The following CNGA1 variants were observed in gnomAD, a reference collection of about 807,000 sequenced individuals.
CNGA1 encodes the protein cyclic nucleotide gated channel subunit alpha 1.
CNGA1 carries 53 observed loss-of-function variants against 69.7 expected under a neutral mutation model. That is an observed-to-expected ratio of 0.76 (90% CI 0.61 to 0.96). The LOEUF is 0.96. CNGA1 is among the 40% of genes least tolerant of loss of function. The pLI is 0.00. For missense variants in CNGA1, 739 were observed against 811.2 expected, an observed-to-expected ratio of 0.91 and a Z score of 1.08; for synonymous variants, 249 against 283.5, an observed-to-expected ratio of 0.88 and a Z score of 1.22.
intron 4 of CNGA1, 58 bp downstream of exon 4, chr4:47,952,525 G>A: frequency 6.4e-7 from 1 of 1,570,678 alleles, no homozygotes. Flanking sequence ...ATTAAATCTA[G>A]TTAAATTAAA....
At chr4:48,006,469 A>ATT (rs1016790884) in intron 2 of CNGA1, among the ~76,000 whole-genome samples, 8 of 152,136 alleles carry the variant, frequency 5.3e-5, no homozygotes, top group Non-Finnish European at 1.0e-4. Flanking sequence ...TACCAATAAC[A>ATT]TTTTTATACA....
chr4:47,951,516 C>A (rs1196027885), intron 4 of CNGA1, 47 bp from the exon 5 acceptor site: 7 of 1,272,744 alleles, frequency 5.5e-6, no homozygotes, highest in Non-Finnish European at 8.0e-6. Context: ...TGTTTTCAAC[C>A]ACTGCAGAGA....
chr4:48,012,633 A>C (rs1365521789), intron 1 of CNGA1, among the ~76,000 whole-genome samples: 2 of 122,170 alleles, frequency 1.6e-5, no homozygotes, highest in African/African-American at 6.2e-5. Context: ...CATAATTTGG[A>C]ACTTTCCTTT....
intron 1 of CNGA1, among the ~76,000 whole-genome samples, chr4:48,013,229 G>T (rs1411596586): frequency 6.6e-6 from 1 of 152,124 alleles, no homozygotes; most frequent in East Asian, 1.9e-4. Flanking sequence ...AAAGGTCAGG[G>T]GCATCTCCAC....
intron 1 of CNGA1, chr4:48,012,761 CAGTT>C (rs1024512120): frequency 1.3e-5 from 2 of 151,856 alleles, no homozygotes; most frequent in African/African-American, 4.8e-5. Flanking sequence ...CAACAAAAAA[CAGTT>C]AGGCAAAACA....
chr4:47,939,469 G>T (rs1052444619), intron 10 of CNGA1, among the ~76,000 whole-genome samples: 1 of 152,160 alleles, frequency 6.6e-6, no homozygotes, highest in African/African-American at 2.4e-5. Flanking sequence ...GTAAACATAA[G>T]TGTTTTCCTA....
At chr4:47,946,927 G>A (rs542639496) in intron 6 of CNGA1, among the ~76,000 whole-genome samples, 1 of 152,212 alleles carries the variant, frequency 6.6e-6, no homozygotes, top group South Asian at 2.1e-4. Context: ...GGGACTAAAG[G>A]CGTGCACCAC....
At chr4:47,984,484 G>T (rs1741887585) in intron 2 of CNGA1, among the ~76,000 whole-genome samples, 1 of 151,758 alleles carries the variant, frequency 6.6e-6, no homozygotes, top group Non-Finnish European at 1.5e-5. Flanking sequence ...CAGGCATGGT[G>T]GTGCACGCCT....
intron 2 of CNGA1, among the ~76,000 whole-genome samples, chr4:47,992,019 G>C (rs1007244692): frequency 2.0e-5 from 3 of 152,016 alleles, no homozygotes; most frequent in Non-Finnish European, 4.4e-5. Context: ...CTGTTCCATT[G>C]GTCTATGTGC....
intron 3 of CNGA1, among the ~76,000 whole-genome samples, chr4:47,960,639 A>C (rs1293371275): frequency 4.6e-5 from 7 of 152,238 alleles, no homozygotes; most frequent in Admixed American, 1.3e-4. Context: ...TGTTTTCATT[A>C]GCTATATTTA....
chr4:47,980,538 G>A (rs1382558356), intron 3 of CNGA1, among the ~76,000 whole-genome samples: 4 of 138,132 alleles, frequency 2.9e-5, no homozygotes, highest in Non-Finnish European at 4.6e-5. Flanking sequence ...GCAGTGGTGT[G>A]ATCTCGGCTC....
At position 47,940,978 on chromosome 4, in the gene CNGA1, G is replaced by A; in HGVS notation, c.546-109C>T. 1.7e-5 allele frequency: 12 copies of A among 707,238 alleles called. No homozygotes were observed. In the South Asian group the frequency reaches 2.1e-4, roughly 12 times the overall value. The allele number at this position is 707,238 out of a possible 1,614,324, so 43.8% of individuals were successfully genotyped here. On this transcript the variant is annotated intron_variant, in intron 9 of 10. Coordinates refer to ENST00000514170, the MANE Select transcript of CNGA1 (RefSeq NM_001379270.1). ...CATGATGAGAAGCACAGCACACTCAGGCTAGGAGAGGTCCTTAGAGTCCTT... is the reference window on the plus strand; with the variant it reads ...CATGATGAGAAGCACAGCACACTCAAGCTAGGAGAGGTCCTTAGAGTCCTT...
intron 3 of CNGA1, among the ~76,000 whole-genome samples, chr4:47,964,521 A>C (rs1740622441): frequency 6.6e-6 from 1 of 152,056 alleles, no homozygotes; most frequent in African/African-American, 2.4e-5. Context: ...ATTATTTATA[A>C]ATATTTTCCC....
rs566054486 is a variant in CNGA1 at position 47,936,515 on chromosome 4, G to A, written c.1967C>T (p.Thr656Ile). 1.6e-5 allele frequency: 26 copies of A among 1,614,114 alleles called. No homozygotes were observed. Among genetic ancestry groups the A allele is most frequent in the East Asian group, 2.2e-5 (1 of 44,880 alleles). ...SMQQKLKQRL[T>I]KVEKFLKPLI... ...CGGTTTCAGAAATTTCTCAACCTTG[G>A]TTAATCTTTGTTTCAGTTTCTGCTG... Residue 656 changes from threonine (T) to isoleucine (I), a missense_variant, in exon 11 of 11, where the codon ACC becomes ATC. Physicochemically the swap from Thr to Ile is moderately conservative, Grantham distance 89. Transcript: ENST00000514170.
intron 3 of CNGA1, among the ~76,000 whole-genome samples, chr4:47,973,964 G>A (rs930203935): frequency 2.0e-5 from 3 of 152,032 alleles, no homozygotes; most frequent in East Asian, 1.9e-4. Context: ...TGGTTGAGGC[G>A]GGCGGATCTT....
chr4:47,966,224 G>A (rs1290741311), intron 3 of CNGA1, among the ~76,000 whole-genome samples: 1 of 152,182 alleles, frequency 6.6e-6, no homozygotes, highest in Non-Finnish European at 1.5e-5. Context: ...TCTAGCTTGG[G>A]TTCAAAACCT....
chr4:47,944,595 G>T (rs1218106819), intron 6 of CNGA1, among the ~76,000 whole-genome samples: 1 of 152,186 alleles, frequency 6.6e-6, no homozygotes, highest in African/African-American at 2.4e-5. Context: ...CAGAAAAGTG[G>T]CATCTTGAAG....
At chr4:47,977,864 T>G (rs1741496059) in intron 3 of CNGA1, among the ~76,000 whole-genome samples, 1 of 151,934 alleles carries the variant, frequency 6.6e-6, no homozygotes, top group South Asian at 2.1e-4. Flanking sequence ...TTCATTCTTG[T>G]TGCCCAGGCT....
At chr4:47,950,925 C>T (rs1339747256) in intron 5 of CNGA1, among the ~76,000 whole-genome samples, 1 of 152,136 alleles carries the variant, frequency 6.6e-6, no homozygotes, top group African/African-American at 2.4e-5. Flanking sequence ...GCTTCAGGAC[C>T]CTGAAAGAAG....
Sources: gnomAD v4.1 joint callset for allele counts (sites outside exome capture counted in the v4.1 genomes callset) on GRCh38, gnomAD v4.1.1 for gene constraint, MANE v1.5 for transcripts, NCBI Gene and HGNC (gene_info 2026-07-23, HGNC 2026-07-21) for gene names.